The following GAS6 variants were observed in gnomAD, a reference collection of about 807,000 sequenced individuals.
The protein encoded by GAS6 is growth arrest specific 6.
In GAS6, 41 loss-of-function variants were observed where a neutral mutation model predicts 75.8. That is an observed-to-expected ratio of 0.54 (90% CI 0.42 to 0.70). The LOEUF is 0.70. Ranked by LOEUF, GAS6 falls within the 30% of genes least tolerant of loss-of-function variation. The pLI is 0.00. For synonymous variants in GAS6, 432 were observed against 412.6 expected (o/e 1.05, Z -0.57); for missense variants, 854 against 940.2 (o/e 0.91, Z 1.20).
chr13:113,834,705 G>A, intron 7 of GAS6, 33 bp from the exon 8 acceptor site: 2 of 1,501,952 alleles, frequency 1.3e-6, no homozygotes, highest in African/African-American at 2.8e-5. Flanking sequence ...GGTGAGCCGG[G>A]GAGGCCTCTA....
At position 113,822,046 on chromosome 13, in the gene GAS6, C is replaced by G; in HGVS notation, c.1794G>C (p.Glu598Asp). 6.3e-7 allele frequency: 1 copy of G among 1,580,670 alleles called. No homozygotes were observed. Among genetic ancestry groups the G allele is most frequent in the Middle Eastern group, 1.8e-4 (1 of 5,442 alleles). The stretch of plus-strand genomic sequence containing the variant: ...TCTCCTGCAGCTGCGCGGCGCTCAC[C>G]TCGCTCTGGCCCCTGGTGCCGTCCA... The part of the protein sequence containing the change: ...LEVDGTRGQS[E>D]VSAAQLQERL... Residue 598 changes from glutamate to aspartate, a missense_variant, in exon 14 of 15, where the codon GAG becomes GAC. Glu to Asp is a conservative substitution (Grantham distance 45). Coordinates refer to ENST00000327773, the MANE Select transcript of GAS6 (RefSeq NM_000820.4).
chr13:113,835,798 G>C (rs766882156), intron 6 of GAS6, 163 bp from the exon 7 acceptor site: 1 of 1,442,192 alleles, frequency 6.9e-7, no homozygotes, highest in Non-Finnish European at 9.1e-7. Flanking sequence ...TCCCCTGACC[G>C]GGCAGCTCCC....
intron 2 of GAS6, among the ~76,000 whole-genome samples, chr13:113,858,500 T>A (rs2051933264): frequency 7.5e-6 from 1 of 133,456 alleles, no homozygotes; most frequent in Admixed American, 7.5e-5. Context: ...TGCATGTCTG[T>A]GTGTGACTAT....
At chr13:113,838,732 G>A (rs577182746) in intron 5 of GAS6, among the ~76,000 whole-genome samples, 1 of 148,710 alleles carries the variant, frequency 6.7e-6, no homozygotes, top group Admixed American at 6.7e-5. Context: ...CTGGAGCAGG[G>A]AAGGAGCCGG....
In GAS6 at chr13:113,832,229, C is replaced by T. The variant is rs1017330392; in HGVS notation, c.1143+70G>A. On this transcript the variant is annotated intron_variant, in intron 10 of 14. Coordinates refer to ENST00000327773, the MANE Select transcript of GAS6 (RefSeq NM_000820.4). ...GCTCATCTCCTAACGGTTGCATAAG[C>T]GAGTGACAGCTGAGTCTGGCTCAGG... The T allele has an allele frequency of 6.6e-6, 10 of 1,507,750 alleles. No individual in the cohort carries two copies. The South Asian group carries it at 7.2e-5, about 11-fold the overall frequency. The allele number at this position is 1,507,750 out of a possible 1,614,324, so 93.4% of individuals were successfully genotyped here. A position where few individuals can be genotyped will look rare whatever the true frequency, so the allele number is the denominator to read the frequency against.
At chr13:113,833,391 C>T (rs545373128) in intron 8 of GAS6, 64 of 993,156 alleles carry the variant, frequency 6.4e-5, no homozygotes, top group South Asian at 4.5e-4. Context: ...AAGAGCCCCA[C>T]GGCTGCATCC....
At chr13:113,838,562 G>A (rs565682498) in intron 5 of GAS6, among the ~76,000 whole-genome samples, 2 of 125,984 alleles carry the variant, frequency 1.6e-5, no homozygotes, top group South Asian at 2.9e-4. Context: ...GCCCAGCCCC[G>A]GAGCAGGAGG....
chr13:113,837,949 C>T lies in GAS6; in HGVS notation c.589+120G>A. On this transcript the variant is annotated intron_variant, in intron 6 of 14. Transcript: ENST00000327773. This position sits in a 1 kb window ranked among gnomAD's most constrained non-coding sequence, Gnocchi z 5.1. ...GCTTGTGTAGTCTCTGCAGGATGCCCCATCCCATCCAGAACCACAGGAACC... is the reference window on the plus strand; with the variant it reads ...GCTTGTGTAGTCTCTGCAGGATGCCTCATCCCATCCAGAACCACAGGAACC... The T allele has an allele frequency of 8.2e-7, 1 of 1,220,086 alleles. No homozygotes were observed. Among genetic ancestry groups the T allele is most frequent in the South Asian group, 1.4e-5 (1 of 72,998 alleles). The allele number at this position is 1,220,086 out of a possible 1,614,324, so 75.6% of individuals were successfully genotyped here.
chr13:113,849,821 T>C (rs1594207036), intron 2 of GAS6, among the ~76,000 whole-genome samples: 1 of 152,192 alleles, frequency 6.6e-6, no homozygotes, highest in African/African-American at 2.4e-5. Context: ...GTATCCTAAT[T>C]TGCATGTTTG....
Position 113,839,025 on chromosome 13 carries a change from G to C in GAS6, c.466+703C>G, listed in dbSNP as rs190749193. On this transcript the variant is annotated intron_variant, in intron 5 of 14. Transcript: ENST00000327773. ...TCCCCAGCTGCGGTCTCAGCCTGGG[G>C]AGCTGCTGGCAGTCACAGCCCACAG... 3.3e-4 allele frequency: 55 copies of C among 166,168 alleles called. No individual in the cohort carries two copies. The East Asian group carries it at 6.7e-3, about 20-fold the overall frequency. The allele number at this position is 166,168 out of a possible 1,614,324, so 10.3% of individuals were successfully genotyped here. A position where few individuals can be genotyped will look rare whatever the true frequency, so the allele number is the denominator to read the frequency against.
intron 14 of GAS6, chr13:113,821,371 G>A (rs1039807745): frequency 7.7e-6 from 2 of 258,104 alleles, no homozygotes; most frequent in Non-Finnish European, 1.5e-5. Flanking sequence ...AAAACTAAGT[G>A]GAGTCTGTGT....
chr13:113,841,845 C>T (rs1473141468), intron 4 of GAS6: 4 of 120,062 alleles, frequency 3.3e-5, no homozygotes, highest in East Asian at 5.9e-4. Flanking sequence ...TTCTTCCATA[C>T]GCCCCACAGT....
chr13:113,842,514 C>T (rs969845412), intron 4 of GAS6: 4 of 396,222 alleles, frequency 1.0e-5, no homozygotes, highest in Admixed American at 4.4e-5. Flanking sequence ...GCTGTGTCCG[C>T]GGGGCGTCTG....
chr13:113,823,341 C>CGG, intron 13 of GAS6, 34 bp downstream of exon 13: 1 of 1,578,664 alleles, frequency 6.3e-7, no homozygotes, highest in Non-Finnish European at 8.6e-7. Flanking sequence ...GTGGGTCGAG[C>CGG]CGGTCAGGAC....
Position 113,821,939 on chromosome 13 carries a change from C to T in GAS6, c.1882+19G>A, listed in dbSNP as rs370222268. ...CCTGGAGCTCTTCACCCGGGTTGAG[C>T]GGAGCAGGGAGCACCTACCTGGCAG... On this transcript the variant is annotated intron_variant, in intron 14 of 14. Coordinates refer to ENST00000327773, the MANE Select transcript of GAS6 (RefSeq NM_000820.4). 1.9e-5 allele frequency: 29 copies of T among 1,503,810 alleles called. No individual in the cohort carries two copies. Among genetic ancestry groups the T allele is most frequent in the Non-Finnish European group, 2.0e-5 (23 of 1,124,838 alleles). The allele number at this position is 1,503,810 out of a possible 1,614,324, so 93.2% of individuals were successfully genotyped here.
intron 11 of GAS6, among the ~76,000 whole-genome samples, 160 bp downstream of exon 11, chr13:113,828,387 C>G (rs138771369): frequency 6.6e-6 from 1 of 152,166 alleles, no homozygotes; most frequent in African/African-American, 2.4e-5. Flanking sequence ...CATAGCTGTA[C>G]GGCGACTTTG....
chr13:113,828,933 C>A (rs9604494), intron 10 of GAS6, among the ~76,000 whole-genome samples: 3,205 of 50,206 alleles, frequency 0.064, 625 homozygotes, highest in African/African-American at 0.26. Context: ...CCTGATCCTC[C>A]CCTGAGCCAA....
chr13:113,849,257 C>T (rs971283886), intron 2 of GAS6, among the ~76,000 whole-genome samples: 2 of 152,070 alleles, frequency 1.3e-5, no homozygotes, highest in East Asian at 3.8e-4. Context: ...GTTGGGAGGG[C>T]GGCCGCCCTG....
intron 12 of GAS6, 115 bp from the exon 13 acceptor site, chr13:113,823,665 G>T: frequency 9.7e-7 from 1 of 1,029,602 alleles, no homozygotes; most frequent in Non-Finnish European, 1.4e-6. Context: ...TGTGCAGACA[G>T]CCCCGGATCT....
Sources: gnomAD v4.1 joint callset for allele counts (sites outside exome capture counted in the v4.1 genomes callset) on GRCh38, gnomAD v4.1.1 for gene constraint, Gnocchi (gnomAD v3.1) non-coding constraint, MANE v1.5 for transcripts, NCBI Gene and HGNC (gene_info 2026-07-23, HGNC 2026-07-21) for gene names.